Variants in MYRFL observed in about 807,000 individuals in gnomAD.
MYRFL encodes the protein myelin regulatory factor like.
A neutral mutation model predicts 109.4 loss-of-function variants in MYRFL; 88 were observed. The ratio of observed to expected loss-of-function variants is 0.80; its 90% CI spans 0.68 to 0.96. The LOEUF is 0.96. MYRFL is among the 40% of genes least tolerant of loss of function. The pLI is 0.00. For synonymous variants in MYRFL, 324 were observed against 320.9 expected (o/e 1.01, Z -0.10); for missense variants, 957 against 954.9 (o/e 1.00, Z -0.03).
At chr12:69,910,138 C>CAAAA in intron 12 of MYRFL, 61 bp downstream of exon 12, 1 of 1,153,490 alleles carries the variant, frequency 8.7e-7, no homozygotes, top group Non-Finnish European at 1.2e-6. Context: ...TTAATTACCT[C>CAAAA]TTTATTTTGA....
intron 19 of MYRFL, among the ~76,000 whole-genome samples, chr12:69,950,812 C>T (rs145952875): frequency 1.3e-5 from 2 of 152,062 alleles, no homozygotes; most frequent in African/African-American, 2.4e-5. Flanking sequence ...GATAGCAATA[C>T]TAAGATGGAT....
chr12:69,891,072 T>C lies in MYRFL; in HGVS notation c.809T>C (p.Ile270Thr), dbSNP rs1886768780. The change falls in exon 7 of 25, where the codon ATT (isoleucine) becomes ACT (threonine). Residue 270 changes from isoleucine (I) to threonine (T), a missense_variant. Transcript: ENST00000552032. ...AAGAAGAATCATTTCCAGATAACCATTCACATCCAAGTTTGGGGAAGTCCA... is the reference window on the plus strand; with the variant it reads ...AAGAAGAATCATTTCCAGATAACCACTCACATCCAAGTTTGGGGAAGTCCA... ...CQKKNHFQIT[I>T]HIQVWGSPKF... The C allele has an allele frequency of 6.5e-7, 1 of 1,535,170 alleles. No individual in the cohort carries two copies. Among genetic ancestry groups the C allele is most frequent in the East Asian group, 2.4e-5 (1 of 40,896 alleles).
At chr12:69,853,034 T>A (rs1331386914) in intron 1 of MYRFL, among the ~76,000 whole-genome samples, 2 of 152,210 alleles carry the variant, frequency 1.3e-5, no homozygotes, top group East Asian at 1.9e-4. Context: ...TTTCCCCACA[T>A]TTCCCCCTTT....
chr12:69,871,403 T>C (rs1205926658), intron 2 of MYRFL, among the ~76,000 whole-genome samples: 1 of 151,974 alleles, frequency 6.6e-6, no homozygotes, highest in Admixed American at 6.6e-5. Context: ...CTAATTTTTG[T>C]ATTTTTTTTT....
chr12:69,846,834 T>C (rs1017497666), intron 1 of MYRFL, among the ~76,000 whole-genome samples: 38 of 151,942 alleles, frequency 2.5e-4, no homozygotes, highest in African/African-American at 8.9e-4. Flanking sequence ...AGTGTTCCTA[T>C]TTCTCCACAT....
intron 9 of MYRFL, among the ~76,000 whole-genome samples, chr12:69,896,424 GT>G (rs1953998037): frequency 6.6e-6 from 1 of 152,214 alleles, no homozygotes; most frequent in South Asian, 2.1e-4. Flanking sequence ...AGCTGGTGAA[GT>G]TTTTTCATGC....
In MYRFL at chr12:69,826,423, G is replaced by A. The variant is rs771961307; in HGVS notation, c.46+860G>A. Among the ~76,000 whole-genome samples the A allele has an allele frequency of 5.9e-5, 9 of 152,022 alleles. No homozygotes were observed. In the East Asian group the frequency reaches 9.6e-4, roughly 16 times the overall value. On this transcript the variant is annotated intron_variant, in intron 1 of 24. Transcript: ENST00000552032. ...TGATTTTATATCATATATAATTTTCGTTTGAGCAGCAGGTGGCAAGCTTCA... is the reference window on the plus strand; with the variant it reads ...TGATTTTATATCATATATAATTTTCATTTGAGCAGCAGGTGGCAAGCTTCA...
At chr12:69,846,538 T>A (rs1289449650) in intron 1 of MYRFL, among the ~76,000 whole-genome samples, 43 of 152,202 alleles carry the variant, frequency 2.8e-4, no homozygotes, top group Non-Finnish European at 5.4e-4. Context: ...ATCATTTTTT[T>A]ATGGCTGCAT....
intron 18 of MYRFL, 42 bp downstream of exon 18, chr12:69,936,377 T>G: frequency 6.5e-7 from 1 of 1,533,930 alleles, no homozygotes; most frequent in Non-Finnish European, 8.7e-7. Flanking sequence ...CGGTTTCAAG[T>G]GAACTGTTAA....
At chr12:69,869,313 A>G (rs1240225) in intron 2 of MYRFL, among the ~76,000 whole-genome samples, 37,837 of 152,072 alleles carry the variant, frequency 0.25, 5,470 homozygotes, top group Middle Eastern at 0.38. Flanking sequence ...CAAATTGTCT[A>G]CAGACAATGC....
intron 11 of MYRFL, chr12:69,904,218 G>A (rs1954283650): frequency 5.9e-6 from 1 of 169,706 alleles, no homozygotes; most frequent in Admixed American, 5.9e-5. Flanking sequence ...TCTCAGTCCA[G>A]TTCCTGATCA....
intron 19 of MYRFL, among the ~76,000 whole-genome samples, chr12:69,942,603 G>A (rs1006227966): frequency 6.7e-6 from 1 of 148,734 alleles, no homozygotes; most frequent in African/African-American, 2.5e-5. Flanking sequence ...AAAACTGGAA[G>A]CATTCCCTTT....
chr12:69,877,079 A>G (rs1032669054), intron 2 of MYRFL, among the ~76,000 whole-genome samples: 10 of 128,102 alleles, frequency 7.8e-5, no homozygotes, highest in African/African-American at 3.0e-4. Flanking sequence ...GCTGGAGTGC[A>G]GTGGCGCGAT....
At chr12:69,886,607 G>T (rs112075827) in intron 5 of MYRFL, among the ~76,000 whole-genome samples, 206 of 152,204 alleles carry the variant, frequency 1.4e-3, no homozygotes, top group African/African-American at 4.7e-3. Flanking sequence ...TCCAACAGGT[G>T]TTTACCCCCC....
intron 1 of MYRFL, among the ~76,000 whole-genome samples, chr12:69,832,218 T>C (rs1475975479): frequency 6.6e-6 from 1 of 152,184 alleles, no homozygotes; most frequent in Non-Finnish European, 1.5e-5. Flanking sequence ...AGCAATGTTA[T>C]ATGCCCTGAG....
intron 9 of MYRFL, among the ~76,000 whole-genome samples, chr12:69,896,403 G>A (rs1473471048): frequency 6.6e-6 from 1 of 152,242 alleles, no homozygotes; most frequent in Non-Finnish European, 1.5e-5. Context: ...GAATAGGAAT[G>A]TTACAGAGGA....
At chr12:69,905,469 A>G (rs745323039) in intron 11 of MYRFL, among the ~76,000 whole-genome samples, 1 of 152,206 alleles carries the variant, frequency 6.6e-6, no homozygotes, top group Non-Finnish European at 1.5e-5. Flanking sequence ...TCATGGCAGC[A>G]TGATAGAATA....
intron 21 of MYRFL, 59 bp from the exon 22 acceptor site, chr12:69,955,304 G>A (rs1956067654): frequency 3.5e-6 from 2 of 572,404 alleles, no homozygotes; most frequent in Non-Finnish European, 3.1e-6. Flanking sequence ...TAGCAAAAAG[G>A]CCTTCGAAGA....
intron 13 of MYRFL, among the ~76,000 whole-genome samples, chr12:69,923,922 G>T (rs551801886): frequency 6.6e-6 from 1 of 152,184 alleles, no homozygotes; most frequent in South Asian, 2.1e-4. Flanking sequence ...AGGCGCAGTG[G>T]CTCATGCCTG....
Sources: allele counts gnomAD v4.1 joint callset (sites outside exome capture counted in the v4.1 genomes callset), GRCh38; gene constraint gnomAD v4.1.1; transcripts MANE v1.5; gene names NCBI Gene and HGNC (gene_info 2026-07-23, HGNC 2026-07-21).